SRRM4: variants seen among roughly 807,000 people sequenced by gnomAD.
SRRM4 encodes serine/arginine repetitive matrix 4.
In SRRM4, 33 loss-of-function variants were observed where a neutral mutation model predicts 68.9. The observed-to-expected ratio is 0.48, with a 90% CI of 0.36 to 0.64. The LOEUF is 0.64. Among genes scored for constraint, SRRM4 ranks in the 30% least tolerant of loss-of-function variants. The pLI is 0.00. For missense variants in SRRM4, 817 were observed against 827.1 expected (o/e 0.99, Z 0.15); for synonymous variants, 318 against 318.8 (o/e 1.00, Z 0.03).
chr12:119,002,776 G>C (rs903908802), intron 1 of SRRM4, among the ~76,000 whole-genome samples: 2 of 152,076 alleles, frequency 1.3e-5, no homozygotes, highest in Non-Finnish European at 2.9e-5. Context: ...GCCAATCTCA[G>C]CCCTTCCCTG....
At chr12:118,987,097 A>G (rs1348334953) in intron 1 of SRRM4, among the ~76,000 whole-genome samples, 1 of 152,066 alleles carries the variant, frequency 6.6e-6, no homozygotes, top group Non-Finnish European at 1.5e-5. Flanking sequence ...CTGAAGTCAA[A>G]TCTATCCAGG....
intron 9 of SRRM4, 88 bp from the exon 10 acceptor site, chr12:119,150,929 C>A: frequency 7.8e-7 from 1 of 1,274,118 alleles, no homozygotes; most frequent in Non-Finnish European, 1.1e-6. Context: ...GAGAGCACCA[C>A]AGCCTAGGCC....
intron 8 of SRRM4, 92 bp downstream of exon 8, chr12:119,130,926 T>A: frequency 7.9e-7 from 1 of 1,265,324 alleles, no homozygotes; most frequent in South Asian, 1.6e-5. Flanking sequence ...TGGTACACTT[T>A]AATTCAATTT....
intron 1 of SRRM4, among the ~76,000 whole-genome samples, chr12:119,101,478 C>T (rs909957845): frequency 1.3e-5 from 2 of 152,026 alleles, no homozygotes; most frequent in Admixed American, 6.6e-5. Flanking sequence ...CAATTAAGGA[C>T]ATCAGATTGG....
At chr12:119,116,347 C>T (rs887806674) in intron 3 of SRRM4, among the ~76,000 whole-genome samples, 5 of 152,148 alleles carry the variant, frequency 3.3e-5, no homozygotes, top group Non-Finnish European at 5.9e-5. Flanking sequence ...TGGCACTATC[C>T]GTGCAGCCGC....
rs1242727850 is a variant in SRRM4 at position 119,093,147 on chromosome 12, C to G, written c.132-9089C>G. Among the ~76,000 whole-genome samples, 10 of 151,474 alleles carry G rather than the reference C, an allele frequency of 6.6e-5. No individual in the cohort carries two copies. The East Asian group carries it at 1.8e-3, about 27-fold the overall frequency. ...CCTCGCAGTAGTATTCCATCTCCCC[C>G]CTAGCACTTATTACCTTCTAATATT... On this transcript the variant is annotated intron_variant, in intron 1 of 12. Coordinates refer to ENST00000267260, the MANE Select transcript of SRRM4 (RefSeq NM_194286.4).
chr12:118,997,024 C>A (rs893019921), intron 1 of SRRM4, among the ~76,000 whole-genome samples: 2 of 152,156 alleles, frequency 1.3e-5, no homozygotes, highest in South Asian at 4.1e-4. Context: ...ACTGGGCAAT[C>A]GCTCAGAAGA....
chr12:119,126,739 G>T (rs908752179), intron 7 of SRRM4, among the ~76,000 whole-genome samples: 5 of 152,050 alleles, frequency 3.3e-5, no homozygotes, highest in Non-Finnish European at 7.4e-5. Context: ...AAATCATGCT[G>T]CTATAAAGAC....
rs1491415480 is a variant in SRRM4 at position 119,075,938 on chromosome 12, A to ATGG, written c.132-26296_132-26295insGTG. ...GATGATGATGATGGTGGTGATGGTG[A>ATGG]TGATGATGGTGGTAATGATGATGGT... On this transcript the variant is annotated intron_variant, in intron 1 of 12. Transcript: ENST00000267260. Among the ~76,000 whole-genome samples, 173 of 77,146 alleles carry ATGG rather than the reference A, an allele frequency of 2.2e-3. 1 individual carries two copies. Among genetic ancestry groups the ATGG allele is most frequent in the African/African-American group, 1.0e-2 (163 of 16,344 alleles). 50.6% of individuals were successfully genotyped at this position (77,146 alleles called of 152,430 possible). A position where few individuals can be genotyped will look rare whatever the true frequency, so the allele number is the denominator to read the frequency against.
At chr12:119,031,433 C>T (rs563146924) in intron 1 of SRRM4, 5 of 152,274 alleles carry the variant, frequency 3.3e-5, no homozygotes, top group African/African-American at 1.2e-4. Flanking sequence ...GAAGGAAGCT[C>T]TAGGTCTTGC....
chr12:119,129,875 G>GGATGGATA (rs1954283184), intron 7 of SRRM4, among the ~76,000 whole-genome samples: 1 of 101,292 alleles, frequency 9.9e-6, no homozygotes. Flanking sequence ...TTGGACAAAT[G>GGATGGATA]GATGGATGGA....
At chr12:119,136,284 A>G (rs574257321) in intron 8 of SRRM4, among the ~76,000 whole-genome samples, 1 of 152,318 alleles carries the variant, frequency 6.6e-6, no homozygotes, top group East Asian at 1.9e-4. Flanking sequence ...GAGAATCTGG[A>G]TGGCTCAGGC....
chr12:118,982,370 T>C (rs1953253088), intron 1 of SRRM4, among the ~76,000 whole-genome samples: 1 of 152,052 alleles, frequency 6.6e-6, no homozygotes, highest in South Asian at 2.1e-4. Context: ...GGATTTGAGA[T>C]GTTTGGGGGG....
chr12:119,060,179 G>A (rs536891861), intron 1 of SRRM4, among the ~76,000 whole-genome samples: 17 of 152,096 alleles, frequency 1.1e-4, no homozygotes, highest in Non-Finnish European at 2.1e-4. Flanking sequence ...TATCCAGGAA[G>A]AGCAAAATGA....
Position 119,117,191 on chromosome 12 carries a change from A to G in SRRM4, c.437+183A>G, listed in dbSNP as rs11064667. Among the ~76,000 whole-genome samples, 5 of 152,276 alleles carry G rather than the reference A, an allele frequency of 3.3e-5. No individual in the cohort carries two copies. The East Asian group carries it at 9.7e-4, about 29-fold the overall frequency. ...GGCTGCGAAGACTAGAGGTCCACACATGCTAACTGAGGCCAGAGGAGGACT... is the reference window on the plus strand; with the variant it reads ...GGCTGCGAAGACTAGAGGTCCACACGTGCTAACTGAGGCCAGAGGAGGACT... On this transcript the variant is annotated intron_variant, in intron 4 of 12. Transcript: ENST00000267260.
intron 1 of SRRM4, among the ~76,000 whole-genome samples, chr12:118,984,863 C>A (rs1157679492): frequency 6.6e-6 from 1 of 152,182 alleles, no homozygotes; most frequent in Non-Finnish European, 1.5e-5. Context: ...CATGAGACAA[C>A]CTGGATTCCT....
chr12:119,066,548 G>A lies in SRRM4; in HGVS notation c.132-35688G>A, dbSNP rs142877352. Among the ~76,000 whole-genome samples, 140 of 152,298 alleles carry A rather than the reference G, an allele frequency of 9.2e-4. 1 individual carries two copies. The highest frequency in any genetic ancestry group is 3.3e-3 in the African/African-American group (136 of 41,552). On this transcript the variant is annotated intron_variant, in intron 1 of 12. Coordinates refer to ENST00000267260, the MANE Select transcript of SRRM4 (RefSeq NM_194286.4). ...CCAGACACACCAAATCAGAAACTTC[G>A]GAAGTGGGGCTGGGCAATCTGTGCC... is the stretch of plus-strand genomic sequence containing the variant.
chr12:119,039,061 G>C (rs1014570240), intron 1 of SRRM4, among the ~76,000 whole-genome samples: 1 of 152,180 alleles, frequency 6.6e-6, no homozygotes, highest in Non-Finnish European at 1.5e-5. Context: ...TCTGGGATGG[G>C]ACTGGGTTCA....
Position 119,130,702 on chromosome 12 carries a change from A to T in SRRM4, c.639A>T (p.Glu213Asp). ...GGCACCGCGGCCGGTCCCCTGAGGA[A>T]GGGCAGAAGTCCCGCCGAAGGCACT... is the stretch of plus-strand genomic sequence containing the variant. ...ESRHRGRSPE[E>D]GQKSRRRHSR... Residue 213 changes from glutamate (E) to aspartate (D), a missense_variant, in exon 8 of 13, where the codon GAA becomes GAT. Physicochemically the swap from Glu to Asp is conservative, Grantham distance 45. Transcript: ENST00000267260. 1.2e-6 allele frequency: 2 copies of T among 1,610,942 alleles called. No individual in the cohort carries two copies. Among genetic ancestry groups the T allele is most frequent in the South Asian group, 1.1e-5 (1 of 90,924 alleles).
Sources: allele counts gnomAD v4.1 joint callset (sites outside exome capture counted in the v4.1 genomes callset), GRCh38; gene constraint gnomAD v4.1.1; transcripts MANE v1.5; gene names NCBI Gene and HGNC (gene_info 2026-07-23, HGNC 2026-07-21).